Variants in LGSN observed in about 807,000 individuals in gnomAD.
LGSN encodes lengsin, lens protein with glutamine synthetase domain, also known as lengsin.
A neutral mutation model predicts 19.5 loss-of-function variants in LGSN; 21 were observed. The observed-to-expected ratio is 1.07, with a 90% confidence interval of 0.76 to 1.55. The LOEUF (loss-of-function observed/expected upper bound fraction) is 1.55. Ranked by LOEUF, LGSN falls within the 40% of genes most tolerant of loss-of-function variation. The pLI, the probability that LGSN is intolerant of heterozygous loss-of-function variation, is 0.00. For synonymous variants in LGSN, 257 were observed against 215.6 expected (o/e 1.19, Z -1.68); for missense variants, 673 against 608.5 (o/e 1.11, Z -1.12).
the LGSN span, among the ~76,000 whole-genome samples, chr6:63,360,422 C>G: frequency 2.6e-5 from 4 of 152,238 alleles, no homozygotes; most frequent in Middle Eastern, 3.4e-3. Context: ...GATCTTCCAT[C>G]CTGATACCCT....
chr6:63,299,832 C>A (rs557989946), intron 1 of LGSN, among the ~76,000 whole-genome samples: 10 of 152,092 alleles, frequency 6.6e-5, no homozygotes, highest in African/African-American at 1.9e-4. Context: ...ATAATTCAGA[C>A]TTTTTTTTCT....
chr6:63,458,521 T>C, the LGSN span, among the ~76,000 whole-genome samples: 1 of 152,188 alleles, frequency 6.6e-6, no homozygotes, highest in Non-Finnish European at 1.5e-5. Context: ...TAAACAGTAA[T>C]TCTGCACTTA....
At chr6:63,496,183 G>T in the LGSN span, among the ~76,000 whole-genome samples, 2 of 151,960 alleles carry the variant, frequency 1.3e-5, no homozygotes, top group African/African-American at 4.8e-5. Flanking sequence ...CCTTGGCCTC[G>T]CAAAGTGCTG....
the LGSN span, among the ~76,000 whole-genome samples, chr6:63,492,092 C>T: frequency 2.6e-5 from 4 of 151,896 alleles, no homozygotes; most frequent in African/African-American, 9.7e-5. Context: ...TCAAATTATA[C>T]GAGCATCATT....
At chr6:63,416,633 A>G in the LGSN span, among the ~76,000 whole-genome samples, 1 of 151,826 alleles carries the variant, frequency 6.6e-6, no homozygotes, top group Non-Finnish European at 1.5e-5. Flanking sequence ...CTGGAGTGCA[A>G]TGACGCAGTC....
chr6:63,334,082 T>G, the LGSN span, among the ~76,000 whole-genome samples: 2 of 152,226 alleles, frequency 1.3e-5, no homozygotes, highest in Non-Finnish European at 2.9e-5. Flanking sequence ...ATGCCCATTT[T>G]AACCACTTAT....
At chr6:63,362,640 G>A in the LGSN span, among the ~76,000 whole-genome samples, 10 of 152,330 alleles carry the variant, frequency 6.6e-5, no homozygotes, top group Admixed American at 2.6e-4. Context: ...GCAGCAGTGA[G>A]GCTGGGGGAG....
At chr6:63,321,873 G>T (rs1482313424), upstream of LGSN, among the ~76,000 whole-genome samples, 1 of 152,184 alleles carries the variant, frequency 6.6e-6, no homozygotes, top group South Asian at 2.1e-4. Flanking sequence ...TAGTCATTGA[G>T]CCATGAATGT....
the LGSN span, among the ~76,000 whole-genome samples, chr6:63,365,153 T>A: frequency 1.3e-5 from 2 of 152,058 alleles, no homozygotes; most frequent in South Asian, 4.1e-4. Context: ...AGGAGCTGGT[T>A]TTTTTGAAAA....
chr6:63,564,817 C>T, the LGSN span, among the ~76,000 whole-genome samples: 1 of 152,124 alleles, frequency 6.6e-6, no homozygotes. Flanking sequence ...AGAACAGCAA[C>T]AGAAATTTCA....
the LGSN span, among the ~76,000 whole-genome samples, chr6:63,360,239 A>G: frequency 5.9e-5 from 9 of 152,184 alleles, no homozygotes; most frequent in African/African-American, 1.7e-4. Context: ...GTTCTCCTGG[A>G]TAATAACCTG....
At chr6:63,322,394 T>G, upstream of LGSN, among the ~76,000 whole-genome samples, 1 of 152,148 alleles carries the variant, frequency 6.6e-6, no homozygotes. Flanking sequence ...AAGGAAATAA[T>G]CTTTCTTATG....
the LGSN span, among the ~76,000 whole-genome samples, chr6:63,425,023 T>C: frequency 3.0e-4 from 46 of 152,292 alleles, no homozygotes; most frequent in African/African-American, 1.1e-3. Flanking sequence ...CATGGAAAGA[T>C]GTTCAACATG....
the LGSN span, among the ~76,000 whole-genome samples, chr6:63,470,110 G>A: frequency 6.6e-6 from 1 of 152,100 alleles, no homozygotes; most frequent in Non-Finnish European, 1.5e-5. Flanking sequence ...GGGAGGGAGA[G>A]AGGGAGGAGA....
the LGSN span, among the ~76,000 whole-genome samples, chr6:63,452,703 T>C: frequency 6.6e-6 from 1 of 151,796 alleles, no homozygotes; most frequent in African/African-American, 2.4e-5. Flanking sequence ...TCAGTCTGGC[T>C]ACAAGTTTAT....
chr6:63,526,803 G>GTATATA, the LGSN span, among the ~76,000 whole-genome samples: 2,739 of 101,248 alleles, frequency 0.027, 79 homozygotes, highest in South Asian at 0.04. Flanking sequence ...TCTCAAAAAT[G>GTATATA]TATATATATA....
chr6:63,357,644 C>G, the LGSN span, among the ~76,000 whole-genome samples: 1 of 152,140 alleles, frequency 6.6e-6, no homozygotes, highest in African/African-American at 2.4e-5. Flanking sequence ...TGAGAAGTGT[C>G]TATTCATATC....
the LGSN span, among the ~76,000 whole-genome samples, chr6:63,446,440 G>GAT: frequency 6.6e-6 from 1 of 151,836 alleles, no homozygotes; most frequent in South Asian, 2.1e-4. Context: ...CTTCACACCC[G>GAT]ATATCATTTA....
the LGSN span, among the ~76,000 whole-genome samples, chr6:63,499,725 G>A: frequency 2.0e-5 from 3 of 152,176 alleles, no homozygotes; most frequent in South Asian, 6.2e-4. Flanking sequence ...GCCTTCTGCT[G>A]TAGGATACCT....
Sources: gnomAD v4.1 joint callset for allele counts (sites outside exome capture counted in the v4.1 genomes callset) on GRCh38, gnomAD v4.1.1 for gene constraint, MANE v1.5 for transcripts, NCBI Gene and HGNC (gene_info 2026-07-23, HGNC 2026-07-21) for gene names.